The following MRPS35 variants were observed in gnomAD, a reference collection of about 807,000 sequenced individuals.
MRPS35 encodes small ribosomal subunit protein mS35.
A neutral mutation model predicts 32.7 loss-of-function variants in MRPS35; 29 were observed. The observed-to-expected ratio is 0.89, with a 90% confidence interval of 0.66 to 1.21. The LOEUF (loss-of-function observed/expected upper bound fraction) is 1.21, where lower values mean the gene tolerates loss of function less well. Ranked by LOEUF, MRPS35 falls within the 50% of genes most tolerant of loss-of-function variation. The pLI, the probability that MRPS35 is intolerant of heterozygous loss-of-function variation, is 0.00. For missense variants in MRPS35, 373 were observed against 383.8 expected, an observed-to-expected ratio of 0.97 and a Z score of 0.23; for synonymous variants, 148 against 139.3, an observed-to-expected ratio of 1.06 and a Z score of -0.44.
chr12:27,753,471 G>A (rs1460341111), intron 7 of MRPS35, among the ~76,000 whole-genome samples: 1 of 152,054 alleles, frequency 6.6e-6, no homozygotes, highest in East Asian at 1.9e-4. Context: ...GGATAGGGGT[G>A]GGAGGGTGGC....
At position 27,737,598 on chromosome 12, in the gene MRPS35, A is replaced by G. The variant is rs766915771; in HGVS notation, c.692A>G (p.His231Arg). The G allele has an allele frequency of 3.7e-6, 6 of 1,608,258 alleles. No individual in the cohort carries two copies. The highest frequency in any genetic ancestry group is 3.4e-6 in the Non-Finnish European group (4 of 1,175,190). The change falls in exon 7 of 8, where the codon CAT (histidine) becomes CGT (arginine). Residue 231 changes from histidine (H) to arginine (R), a missense_variant. By Grantham distance (29) the His-to-Arg change is conservative. Transcript: ENST00000081029. ...YAVYLLTVLYHESWNTEEWEK... is the reference protein window; with the variant it reads ...YAVYLLTVLYRESWNTEEWEK... ...GTGTATCTACTAACAGTGTTATACCATGAGTCTTGGGTAAGTGTGTGTGAA... is the reference window on the plus strand; with the variant it reads ...GTGTATCTACTAACAGTGTTATACCGTGAGTCTTGGGTAAGTGTGTGTGAA...
chr12:27,716,242 T>TA, intron 2 of MRPS35, 49 bp from the exon 3 acceptor site: 1 of 1,428,428 alleles, frequency 7.0e-7, no homozygotes, highest in Non-Finnish European at 9.3e-7. Flanking sequence ...CTTTAAGAAT[T>TA]AAAGAATGTG....
At chr12:27,733,478 G>A (rs1396354599) in intron 5 of MRPS35, among the ~76,000 whole-genome samples, 1 of 151,996 alleles carries the variant, frequency 6.6e-6, no homozygotes, top group Non-Finnish European at 1.5e-5. Context: ...TAAATTTATT[G>A]TTAGACATTA....
intron 7 of MRPS35, among the ~76,000 whole-genome samples, chr12:27,750,655 A>G (rs2061998222): frequency 1.3e-5 from 2 of 152,020 alleles, no homozygotes; most frequent in Admixed American, 1.3e-4. Flanking sequence ...AAATGCAAAC[A>G]TTAGCAGGGC....
intron 1 of MRPS35, among the ~76,000 whole-genome samples, chr12:27,714,123 C>T (rs1291102774): frequency 6.6e-6 from 1 of 150,988 alleles, no homozygotes; most frequent in African/African-American, 2.4e-5. Flanking sequence ...AAAAAATTCA[C>T]CGTCATACAA....
At chr12:27,734,022 A>C (rs1414101616) in intron 5 of MRPS35, among the ~76,000 whole-genome samples, 1 of 152,230 alleles carries the variant, frequency 6.6e-6, no homozygotes, top group Non-Finnish European at 1.5e-5. Context: ...TCAGTGGGGA[A>C]AAAATGGGAA....
intron 5 of MRPS35, among the ~76,000 whole-genome samples, chr12:27,733,332 G>A (rs2061930208): frequency 6.6e-6 from 1 of 152,036 alleles, no homozygotes; most frequent in Non-Finnish European, 1.5e-5. Flanking sequence ...ACATTAAAAT[G>A]TTAATGTTAA....
At chr12:27,721,139 T>C (rs1593465356) in intron 4 of MRPS35, among the ~76,000 whole-genome samples, 1 of 152,192 alleles carries the variant, frequency 6.6e-6, no homozygotes, top group Admixed American at 6.5e-5. Context: ...ATGATTAAAT[T>C]TGAGCTTTTG....
At chr12:27,755,029 AGGTGTTGGCCAG>A in intron 7 of MRPS35, 140 bp from the exon 8 acceptor site, 2 of 799,414 alleles carry the variant, frequency 2.5e-6, no homozygotes, top group Non-Finnish European at 3.8e-6. Flanking sequence ...TGCACAGACA[AGGTGTTGGCCAG>A]GGCCTCTCCA....
At chr12:27,711,077 C>T in intron 1 of MRPS35, 122 bp downstream of exon 1, 1 of 828,244 alleles carries the variant, frequency 1.2e-6, no homozygotes, top group South Asian at 1.5e-5. Flanking sequence ...GCGTCCGCTG[C>T]CAGGCCCGTC....
chr12:27,748,574 C>T (rs1238330167), intron 7 of MRPS35, among the ~76,000 whole-genome samples: 1 of 151,986 alleles, frequency 6.6e-6, no homozygotes, highest in East Asian at 1.9e-4. Context: ...AAGTGATGAT[C>T]AGTTTGAGCT....
At chr12:27,719,724 T>G in intron 3 of MRPS35, 84 bp from the exon 4 acceptor site, 2 of 814,428 alleles carry the variant, frequency 2.5e-6, no homozygotes, top group Non-Finnish European at 4.0e-6. Context: ...TTATTGGGCC[T>G]GTGATTTAGT....
intron 3 of MRPS35, among the ~76,000 whole-genome samples, chr12:27,718,996 A>T (rs1307173975): frequency 6.6e-6 from 1 of 152,030 alleles, no homozygotes; most frequent in Non-Finnish European, 1.5e-5. Flanking sequence ...CTGAGGGAGG[A>T]GAATTGCTTG....
intron 5 of MRPS35, among the ~76,000 whole-genome samples, chr12:27,732,411 T>A: frequency 6.6e-6 from 1 of 152,222 alleles, no homozygotes; most frequent in Non-Finnish European, 1.5e-5. Context: ...TAGCCTGTGA[T>A]GCCTTCATTG....
chr12:27,732,990 A>G (rs2061927784), intron 5 of MRPS35, among the ~76,000 whole-genome samples: 1 of 152 alleles, frequency 6.6e-3, no homozygotes, highest in African/African-American at 0.021. Flanking sequence ...ATTTGAAGAT[A>G]TATATATATA....
chr12:27,716,162 A>C, intron 2 of MRPS35, 129 bp from the exon 3 acceptor site: 1 of 812,908 alleles, frequency 1.2e-6, no homozygotes, highest in Non-Finnish European at 1.8e-6. Flanking sequence ...GTGGGAGGTC[A>C]GATTTTACAT....
chr12:27,728,443 T>G (rs1300106981), intron 5 of MRPS35, among the ~76,000 whole-genome samples: 1 of 152,134 alleles, frequency 6.6e-6, no homozygotes, highest in African/African-American at 2.4e-5. Flanking sequence ...TGACACCTAA[T>G]GTTTCACACT....
intron 7 of MRPS35, 88 bp from the exon 8 acceptor site, chr12:27,755,093 A>T: frequency 7.0e-7 from 1 of 1,418,546 alleles, no homozygotes. Context: ...AAGGAAAAAA[A>T]AAAAGAAGAA....
chr12:27,722,289 G>A (rs1323378564), intron 4 of MRPS35, among the ~76,000 whole-genome samples: 1 of 152,098 alleles, frequency 6.6e-6, no homozygotes, highest in Non-Finnish European at 1.5e-5. Context: ...CTGAAGCATG[G>A]GAAAGTTAGG....
Sources: gnomAD v4.1 joint callset for allele counts (sites outside exome capture counted in the v4.1 genomes callset) on GRCh38, gnomAD v4.1.1 for gene constraint, MANE v1.5 for transcripts, NCBI Gene and HGNC (gene_info 2026-07-23, HGNC 2026-07-21) for gene names.